The following ST6GALNAC5 variants were observed in gnomAD, a reference collection of about 807,000 sequenced individuals.
ST6GALNAC5 encodes alpha-N-acetylgalactosaminide alpha-2,6-sialyltransferase 5.
Under a neutral mutation model 33.6 loss-of-function variants are expected in ST6GALNAC5, and 27 were observed. The ratio of observed to expected loss-of-function variants is 0.80; its 90% confidence interval spans 0.59 to 1.11. ST6GALNAC5 has a LOEUF of 1.11. Among genes scored for constraint, ST6GALNAC5 ranks in the 50% least tolerant of loss-of-function variants. The pLI, the probability that ST6GALNAC5 is intolerant of heterozygous loss-of-function variation, is 0.00. For missense variants in ST6GALNAC5, 428 were observed against 454.0 expected (o/e 0.94, Z 0.52); for synonymous variants, 194 against 171.2 (o/e 1.13, Z -1.04).
Position 77,044,337 on chromosome 1 carries a change from G to A in ST6GALNAC5, c.395G>A (p.Gly132Glu). 1 of 1,613,980 alleles carries A rather than the reference G, an allele frequency of 6.2e-7. No homozygotes were observed. The highest frequency in any genetic ancestry group is 8.5e-7 in the Non-Finnish European group (1 of 1,180,040). The change falls in exon 3 of 5, where the codon GGG (glycine) becomes GAG (glutamate). Residue 132 changes from glycine to glutamate, a missense_variant. Transcript: ENST00000477717. ...AATGACGCCCCCACACGCGGCTATG[G>A]GCGTGACGTGGGCAATCGCACCAGC... ...RMNDAPTRGY[G>E]RDVGNRTSLR...
At chr1:77,061,962 C>T (rs1652590718) in intron 4 of ST6GALNAC5, among the ~76,000 whole-genome samples, 1 of 152,104 alleles carries the variant, frequency 6.6e-6, no homozygotes, top group South Asian at 2.1e-4. Flanking sequence ...AGTACATAGG[C>T]CCTCTGAAGC....
At chr1:76,932,893 C>T (rs1260068676) in intron 2 of ST6GALNAC5, among the ~76,000 whole-genome samples, 2 of 152,068 alleles carry the variant, frequency 1.3e-5, no homozygotes, top group African/African-American at 4.8e-5. Flanking sequence ...TGGGGTGTGG[C>T]ATGCCCACTT....
At chr1:76,960,789 C>T (rs187100771) in intron 2 of ST6GALNAC5, among the ~76,000 whole-genome samples, 92 of 152,296 alleles carry the variant, frequency 6.0e-4, no homozygotes, top group African/African-American at 2.2e-3. Flanking sequence ...GGCTCACCAG[C>T]GGTCAGAGTT....
chr1:76,955,508 C>T (rs1180273959), intron 2 of ST6GALNAC5, among the ~76,000 whole-genome samples: 1 of 152,064 alleles, frequency 6.6e-6, no homozygotes, highest in Non-Finnish European at 1.5e-5. Flanking sequence ...CCCACTCATG[C>T]CTTTTTTAAC....
intron 2 of ST6GALNAC5, among the ~76,000 whole-genome samples, chr1:76,987,345 G>A (rs531675695): frequency 6.6e-6 from 1 of 152,234 alleles, no homozygotes; most frequent in South Asian, 2.1e-4. Context: ...AAGATTTTCA[G>A]CGTCATTCAT....
At chr1:77,058,993 A>C (rs1652488499) in intron 4 of ST6GALNAC5, among the ~76,000 whole-genome samples, 1 of 152,222 alleles carries the variant, frequency 6.6e-6, no homozygotes, top group African/African-American at 2.4e-5. Flanking sequence ...TGCATATTAG[A>C]ATCTCAAGGA....
At chr1:76,914,830 A>T (rs1156530729) in intron 2 of ST6GALNAC5, among the ~76,000 whole-genome samples, 1 of 152,222 alleles carries the variant, frequency 6.6e-6, no homozygotes. Context: ...CAAAAGCCAA[A>T]ATTGACAAAT....
chr1:76,939,676 G>C (rs1234608990), intron 2 of ST6GALNAC5, among the ~76,000 whole-genome samples: 1 of 152,080 alleles, frequency 6.6e-6, no homozygotes, highest in Non-Finnish European at 1.5e-5. Flanking sequence ...GATGTGATCT[G>C]TACGCATAGT....
At chr1:76,978,233 GA>G (rs1264578360) in intron 2 of ST6GALNAC5, among the ~76,000 whole-genome samples, 2 of 152,138 alleles carry the variant, frequency 1.3e-5, no homozygotes, top group African/African-American at 4.8e-5. Flanking sequence ...CCCCTTGTTA[GA>G]TGCATAGTTC....
intron 2 of ST6GALNAC5, among the ~76,000 whole-genome samples, chr1:77,000,793 G>A (rs915835331): frequency 6.6e-6 from 1 of 151,890 alleles, no homozygotes; most frequent in African/African-American, 2.4e-5. Flanking sequence ...TCAAAGATCA[G>A]ATAGTTGTAG....
intron 2 of ST6GALNAC5, among the ~76,000 whole-genome samples, chr1:77,021,066 A>G (rs1437949241): frequency 1.3e-5 from 2 of 152,250 alleles, no homozygotes; most frequent in Non-Finnish European, 2.9e-5. Flanking sequence ...TGTTCTTCGC[A>G]GGTGAGACAC....
intron 2 of ST6GALNAC5, among the ~76,000 whole-genome samples, chr1:77,016,498 G>C (rs1213359352): frequency 6.6e-6 from 1 of 151,930 alleles, no homozygotes; most frequent in African/African-American, 2.4e-5. Context: ...AGTGCACAAT[G>C]GTCATTGCAC....
rs533105415 is a variant in ST6GALNAC5, at chr1:76,898,681, A to G, written c.261+29939A>G. Among the ~76,000 whole-genome samples the G allele has an allele frequency of 6.6e-5, 10 of 152,280 alleles. No homozygotes were observed. The East Asian group carries it at 1.7e-3, about 26-fold the overall frequency. ...AGAAAAAGGAGCATTAACCTTGACT[A>G]TGCCTTTAGCTTCAGCCACCTTTTT... is the stretch of plus-strand genomic sequence containing the variant. On this transcript the variant is annotated intron_variant, in intron 2 of 4. Coordinates refer to ENST00000477717, the MANE Select transcript of ST6GALNAC5 (RefSeq NM_030965.3).
intron 2 of ST6GALNAC5, among the ~76,000 whole-genome samples, chr1:77,006,134 TAG>T (rs1650404082): frequency 3.2e-5 from 4 of 125,960 alleles, no homozygotes; most frequent in Non-Finnish European, 1.9e-5. Flanking sequence ...TAGAAATGTG[TAG>T]TTTTTTTTGT....
At chr1:76,905,205 A>G (rs894681425) in intron 2 of ST6GALNAC5, among the ~76,000 whole-genome samples, 11 of 152,170 alleles carry the variant, frequency 7.2e-5, no homozygotes, top group Non-Finnish European at 1.3e-4. Context: ...TGCTTATTCA[A>G]AGGGGTAGAG....
At chr1:76,962,174 A>T (rs1648265029) in intron 2 of ST6GALNAC5, among the ~76,000 whole-genome samples, 1 of 152,232 alleles carries the variant, frequency 6.6e-6, no homozygotes, top group African/African-American at 2.4e-5. Flanking sequence ...AGACAGATGG[A>T]ATAACTAAGA....
chr1:76,906,230 G>A (rs888749153), intron 2 of ST6GALNAC5, among the ~76,000 whole-genome samples: 5 of 152,146 alleles, frequency 3.3e-5, no homozygotes, highest in Non-Finnish European at 7.3e-5. Context: ...GCCCTTTCGA[G>A]ATGGAGAATA....
At chr1:76,969,219 G>A (rs1281604005) in intron 2 of ST6GALNAC5, among the ~76,000 whole-genome samples, 1 of 152,196 alleles carries the variant, frequency 6.6e-6, no homozygotes, top group African/African-American at 2.4e-5. Context: ...GTGGTGCATT[G>A]TCTGAACCAG....
chr1:76,991,921 T>C lies in ST6GALNAC5; in HGVS notation c.262-52283T>C, dbSNP rs114219713. Among the ~76,000 whole-genome samples the C allele has an allele frequency of 1.2e-3, 178 of 152,328 alleles. 1 individual carries two copies. The highest frequency in any genetic ancestry group is 3.8e-3 in the African/African-American group (158 of 41,586). ...TTTTAAAATATTTCATGGCCTTCAT[T>C]TTTGTTTTCTAACAAAAATAGATAA... On this transcript the variant is annotated intron_variant, in intron 2 of 4. Coordinates refer to ENST00000477717, the MANE Select transcript of ST6GALNAC5 (RefSeq NM_030965.3).
Sources: allele counts gnomAD v4.1 joint callset (sites outside exome capture counted in the v4.1 genomes callset), GRCh38; gene constraint gnomAD v4.1.1; transcripts MANE v1.5; gene names NCBI Gene and HGNC (gene_info 2026-07-23, HGNC 2026-07-21).